TRPM4: variants seen among roughly 807,000 people sequenced by gnomAD.
TRPM4 encodes transient receptor potential cation channel subfamily M member 4.
Under a neutral mutation model 135.6 loss-of-function variants are expected in TRPM4, and 124 were observed. The observed-to-expected ratio is 0.91, with a 90% CI of 0.79 to 1.06. TRPM4 has a LOEUF of 1.06. TRPM4 is among the 50% of genes least tolerant of loss of function. The pLI is 0.00. For missense variants in TRPM4, 1,658 were observed against 1,671.4 expected (o/e 0.99, Z 0.14); for synonymous variants, 745 against 705.6 (o/e 1.06, Z -0.88).
intron 2 of TRPM4, 95 bp downstream of exon 2, chr19:49,158,354 C>G (rs1365355079): frequency 5.0e-6 from 6 of 1,190,646 alleles, no homozygotes; most frequent in Non-Finnish European, 7.5e-6. Context: ...CTTCCCCATT[C>G]CTGGACTCGG....
At chr19:49,157,937 G>A (rs753552944) in intron 1 of TRPM4, 47 bp downstream of exon 1, 6 of 1,528,466 alleles carry the variant, frequency 3.9e-6, no homozygotes, top group African/African-American at 1.4e-5. Flanking sequence ...TGGGGACCTC[G>A]CCTCCAGGCT....
At chr19:49,175,630 T>C (rs1967657994) in intron 9 of TRPM4, among the ~76,000 whole-genome samples, 1 of 151,582 alleles carries the variant, frequency 6.6e-6, no homozygotes, top group African/African-American at 2.4e-5. Flanking sequence ...TATATTTTAA[T>C]TATTTTTCTT....
In TRPM4 at chr19:49,210,436, A is replaced by C. The variant is rs1969309746; in HGVS notation, c.3328+31A>C. ...AACAGAGCTTGGCTTAAAAAGGAGA[A>C]ATATAGGGGACCGGGAGCCTGGAAG... On this transcript the variant is annotated intron_variant, in intron 21 of 24. Transcript: ENST00000252826. The surrounding 1 kb of genome is among the most constrained non-coding windows in gnomAD (Gnocchi z 4.1). 1 of 1,607,208 alleles carries C rather than the reference A, an allele frequency of 6.2e-7. No individual in the cohort carries two copies. The highest frequency in any genetic ancestry group is 8.5e-7 in the Non-Finnish European group (1 of 1,178,018).
chr19:49,162,074 G>A (rs1157177496), intron 2 of TRPM4, among the ~76,000 whole-genome samples: 3 of 152,210 alleles, frequency 2.0e-5, no homozygotes, highest in Admixed American at 2.0e-4. Context: ...CAGGCATGAA[G>A]CAGCCGGGGC....
At chr19:49,205,769 C>T (rs1969125715) in intron 20 of TRPM4, among the ~76,000 whole-genome samples, 1 of 151,982 alleles carries the variant, frequency 6.6e-6, no homozygotes, top group Non-Finnish European at 1.5e-5. Context: ...CTCCTGACCT[C>T]AGGTGATGCA....
rs1300013767 is a variant in TRPM4, at chr19:49,210,257, G to T, written c.3180G>T (p.Ala1060=). The T allele has an allele frequency of 1.9e-6, 3 of 1,614,210 alleles. No homozygotes were observed. Among genetic ancestry groups the T allele is most frequent in the South Asian group, 2.2e-5 (2 of 91,088 alleles). Residue 1060 remains alanine (A), a synonymous_variant, in exon 21 of 25, where the codon GCG becomes GCT. Coordinates refer to ENST00000252826, the MANE Select transcript of TRPM4 (RefSeq NM_017636.4). The surrounding 1 kb of genome is among the most constrained non-coding windows in gnomAD (Gnocchi z 4.1). ...GCAACAGCGATCTCTACTGGAAGGC[G>T]CAGCGTTACCGCCTCATCCGGGAAT... ...VQGNSDLYWK[A]QRYRLIREFH... is the part of the protein sequence containing the mutation.
chr19:49,208,155 G>A (rs113014869), intron 20 of TRPM4, among the ~76,000 whole-genome samples: 8,445 of 152,150 alleles, frequency 0.056, 694 homozygotes, highest in African/African-American at 0.17. Context: ...TTTTGCTACT[G>A]CTATCTAGAG....
At chr19:49,209,374 A>G (rs1969266302) in intron 20 of TRPM4, among the ~76,000 whole-genome samples, 1 of 152,192 alleles carries the variant, frequency 6.6e-6, no homozygotes, top group African/African-American at 2.4e-5. Context: ...ATTTGATAGA[A>G]TTCACCAGCA....
chr19:49,208,026 C>T (rs565710294), intron 20 of TRPM4, among the ~76,000 whole-genome samples: 2 of 152,166 alleles, frequency 1.3e-5, no homozygotes, highest in African/African-American at 4.8e-5. Context: ...GTCCACTGGA[C>T]AGGGGCCCTT....
At position 49,157,843 on chromosome 19, in the gene TRPM4, G is replaced by GGA; in HGVS notation, c.-22_-21dup. 6.5e-7 allele frequency: 1 copy of GGA among 1,534,692 alleles called. No individual in the cohort carries two copies. Among genetic ancestry groups the GGA allele is most frequent in the Non-Finnish European group, 8.7e-7 (1 of 1,146,240 alleles). On this transcript the variant is annotated 5_prime_UTR_variant, in exon 1 of 25. Transcript: ENST00000252826. ...GGGAGCGCCGGGGCCCTGGGCTGCAGGAGGTTGCGGCGGCCGCGGCAGCAT... is the reference window on the plus strand; with the variant it reads ...GGGAGCGCCGGGGCCCTGGGCTGCAGGAGAGGTTGCGGCGGCCGCGGCAGCAT...
intron 2 of TRPM4, chr19:49,158,860 A>T (rs1404482973): frequency 1.3e-5 from 2 of 152,178 alleles, no homozygotes; most frequent in African/African-American, 2.4e-5. Flanking sequence ...CCAGCACAGG[A>T]CGCTGGGAAA....
intron 16 of TRPM4, among the ~76,000 whole-genome samples, chr19:49,194,595 C>G (rs1008977022): frequency 6.6e-6 from 1 of 151,004 alleles, no homozygotes; most frequent in African/African-American, 2.4e-5. Context: ...TCCTTCCTTT[C>G]CTTTCCTTTT....
At chr19:49,160,772 A>G (rs933508227) in intron 2 of TRPM4, among the ~76,000 whole-genome samples, 6 of 152,020 alleles carry the variant, frequency 3.9e-5, no homozygotes, top group Admixed American at 6.6e-5. Flanking sequence ...GAGGATGAAC[A>G]GGAGCTCGGG....
chr19:49,171,526 G>C lies in TRPM4; in HGVS notation c.859-52G>C. On this transcript the variant is annotated intron_variant, in intron 7 of 24. Transcript: ENST00000252826. This position sits in a 1 kb window ranked among gnomAD's most constrained non-coding sequence, Gnocchi z 4.7. Reference sequence around the variant, plus strand: ...CTGGGGGTCTGACTCCGGGTAGGGTGAATATCCTGCCTTTTCTGACGTGAT... The same window carrying C: ...CTGGGGGTCTGACTCCGGGTAGGGTCAATATCCTGCCTTTTCTGACGTGAT... The C allele has an allele frequency of 6.2e-7, 1 of 1,612,772 alleles. No homozygotes were observed. The highest frequency in any genetic ancestry group is 8.5e-7 in the Non-Finnish European group (1 of 1,178,878).
intron 15 of TRPM4, 102 bp from the exon 16 acceptor site, chr19:49,190,594 C>A: frequency 8.1e-7 from 1 of 1,234,294 alleles, no homozygotes; most frequent in Non-Finnish European, 1.2e-6. Flanking sequence ...CCTCTCTGTC[C>A]CTCTGCCATG....
chr19:49,181,168 T>C (rs1001792669), intron 9 of TRPM4, among the ~76,000 whole-genome samples, 181 bp from the exon 10 acceptor site: 15 of 152,314 alleles, frequency 9.8e-5, no homozygotes, highest in African/African-American at 3.4e-4. Context: ...GCTCTGGCCC[T>C]GAGCCAAATG....
chr19:49,198,724 C>T (rs553454467), intron 17 of TRPM4, among the ~76,000 whole-genome samples: 46 of 151,054 alleles, frequency 3.0e-4, no homozygotes, highest in African/African-American at 1.0e-3. Context: ...CTTTGTTTCG[C>T]CAGTTCCCTC....
chr19:49,158,475 A>G (rs2041562164), intron 2 of TRPM4: 1 of 592,882 alleles, frequency 1.7e-6, no homozygotes. Context: ...GTCAGTGTAG[A>G]CGCTCCAGGG....
intron 16 of TRPM4, among the ~76,000 whole-genome samples, chr19:49,192,082 G>T (rs1968433366): frequency 6.6e-6 from 1 of 152,218 alleles, no homozygotes; most frequent in Non-Finnish European, 1.5e-5. Context: ...TGCTATGGTT[G>T]CCGTTAAGGT....
Sources: allele counts gnomAD v4.1 joint callset (sites outside exome capture counted in the v4.1 genomes callset), GRCh38; gene constraint gnomAD v4.1.1; non-coding constraint Gnocchi (gnomAD v3.1); transcripts MANE v1.5; gene names NCBI Gene and HGNC (gene_info 2026-07-23, HGNC 2026-07-21).